The following DAB1 variants were observed in gnomAD, a reference collection of about 807,000 sequenced individuals.
DAB1 encodes disabled homolog 1.
DAB1 carries 15 observed loss-of-function variants against 64.6 expected under a neutral mutation model. The observed-to-expected ratio is 0.23, with a 90% CI of 0.16 to 0.36. DAB1 has a LOEUF of 0.36. DAB1 is among the 10% of genes least tolerant of loss of function. DAB1 has a pLI of 1.00. For missense variants in DAB1, 596 were observed against 706.7 expected, an observed-to-expected ratio of 0.84 and a Z score of 1.78; for synonymous variants, 235 against 251.9, an observed-to-expected ratio of 0.93 and a Z score of 0.64.
At chr1:57,033,393 GC>G in intron 9 of DAB1, 4 of 1,612,880 alleles carry the variant, frequency 2.5e-6, no homozygotes, top group Non-Finnish European at 3.4e-6. Flanking sequence ...TACCTTCGTT[GC>G]CTCAAAAATC....
intron 3 of DAB1, among the ~76,000 whole-genome samples, chr1:58,421,819 T>C (rs914194604): frequency 6.6e-6 from 1 of 152,104 alleles, no homozygotes; most frequent in Non-Finnish European, 1.5e-5. Context: ...TCTTCTCAGA[T>C]TTGAAGGGCT....
At chr1:58,426,352 C>A (rs904832231) in intron 3 of DAB1, among the ~76,000 whole-genome samples, 2 of 152,130 alleles carry the variant, frequency 1.3e-5, no homozygotes, top group African/African-American at 4.8e-5. Context: ...AGAGAGTTAA[C>A]CCATATTGAG....
chr1:57,849,973 G>A (rs947973581), intron 1 of DAB1, among the ~76,000 whole-genome samples: 4 of 152,174 alleles, frequency 2.6e-5, no homozygotes, highest in Admixed American at 6.5e-5. Context: ...CGATAGTCCT[G>A]AGAAAGTGAG....
intron 6 of DAB1, among the ~76,000 whole-genome samples, chr1:57,652,804 A>G (rs1275848532): frequency 6.6e-6 from 1 of 152,174 alleles, no homozygotes; most frequent in Non-Finnish European, 1.5e-5. Context: ...GAGAAAATTG[A>G]TGCTCACTAT....
intron 2 of DAB1, among the ~76,000 whole-genome samples, chr1:57,186,751 C>A (rs1189378416): frequency 6.6e-6 from 1 of 152,212 alleles, no homozygotes; most frequent in Admixed American, 6.5e-5. Context: ...AGCAAAGTTT[C>A]ATTAGCAGAA....
Position 56,997,188 on chromosome 1 carries a change from G to A in DAB1, c.*956C>T, listed in dbSNP as rs557521021. 6.6e-6 allele frequency: 1 copy of A among 152,248 alleles called. No individual in the cohort carries two copies. Among genetic ancestry groups the A allele is most frequent in the Admixed American group, 6.5e-5 (1 of 15,300 alleles). The allele number at this position is 152,248 out of a possible 1,614,324, so 9.4% of individuals were successfully genotyped here. ...AAAATGGCACGTGGAGAAGACACTT[G>A]TCTGCATAGCAACACAGCAGCAAGA... On this transcript the variant is annotated 3_prime_UTR_variant, in exon 15 of 15. Transcript: ENST00000371236.
intron 14 of DAB1, among the ~76,000 whole-genome samples, chr1:57,007,043 CCT>C (rs1349332628): frequency 4.0e-5 from 6 of 151,628 alleles, no homozygotes; most frequent in African/African-American, 1.5e-4. Flanking sequence ...TCTCTCTCTT[CCT>C]CTCTCACTCT....
At chr1:57,619,664 G>A (rs561529078) in intron 7 of DAB1, among the ~76,000 whole-genome samples, 30 of 152,178 alleles carry the variant, frequency 2.0e-4, no homozygotes, top group Admixed American at 2.6e-4. Context: ...GGCCTCCCAC[G>A]GTGCTATGAT....
chr1:57,082,577 G>C (rs1259856534), intron 4 of DAB1, among the ~76,000 whole-genome samples: 1 of 152,050 alleles, frequency 6.6e-6, no homozygotes, highest in Non-Finnish European at 1.5e-5. Flanking sequence ...AGGACATGCA[G>C]GTTTGTTGCA....
intron 3 of DAB1, among the ~76,000 whole-genome samples, chr1:58,402,114 C>T (rs1031540435): frequency 6.6e-6 from 1 of 152,106 alleles, no homozygotes; most frequent in Non-Finnish European, 1.5e-5. Flanking sequence ...AGGGGCCCTG[C>T]ATTCATATGC....
At chr1:57,953,782 T>C (rs1209647344) in intron 5 of DAB1, among the ~76,000 whole-genome samples, 1 of 152,124 alleles carries the variant, frequency 6.6e-6, no homozygotes, top group Non-Finnish European at 1.5e-5. Context: ...TCCCTATTTA[T>C]CTGCTGGTTG....
At chr1:57,013,785 A>T (rs1646337220) in intron 12 of DAB1, among the ~76,000 whole-genome samples, 1 of 152,176 alleles carries the variant, frequency 6.6e-6, no homozygotes, top group African/African-American at 2.4e-5. Flanking sequence ...ATTGTGTCAA[A>T]CAAGTGTACA....
chr1:57,063,140 A>G (rs1241480033), intron 8 of DAB1, among the ~76,000 whole-genome samples, 197 bp from the exon 9 acceptor site: 2 of 152,068 alleles, frequency 1.3e-5, no homozygotes, highest in African/African-American at 2.4e-5. Flanking sequence ...GGGGACAGGG[A>G]GTGGGCATCA....
intron 1 of DAB1, among the ~76,000 whole-genome samples, chr1:57,336,351 T>C (rs1309177369): frequency 3.3e-5 from 5 of 152,182 alleles, no homozygotes; most frequent in African/African-American, 4.8e-5. Flanking sequence ...AATAAAAGGA[T>C]TTGGTTTAAC....
intron 4 of DAB1, among the ~76,000 whole-genome samples, chr1:58,157,527 G>A (rs1655287830): frequency 6.6e-6 from 1 of 152,172 alleles, no homozygotes; most frequent in Admixed American, 6.5e-5. Context: ...GATTTGGGTG[G>A]CTGGTCCCAA....
At chr1:57,013,901 G>A (rs1003032431) in intron 12 of DAB1, among the ~76,000 whole-genome samples, 6 of 152,168 alleles carry the variant, frequency 3.9e-5, no homozygotes, top group Non-Finnish European at 8.8e-5. Context: ...GCTGGAACTA[G>A]AAGGATGCAC....
At chr1:57,842,542 C>G (rs78690078) in intron 1 of DAB1, among the ~76,000 whole-genome samples, 1 of 152,120 alleles carries the variant, frequency 6.6e-6, no homozygotes. Flanking sequence ...AAAAAAAAGT[C>G]TAATTGGCTC....
At chr1:58,013,321 C>T (rs1646695082) in intron 5 of DAB1, among the ~76,000 whole-genome samples, 1 of 152,080 alleles carries the variant, frequency 6.6e-6, no homozygotes, top group African/African-American at 2.4e-5. Context: ...TATTGTTTCC[C>T]ATTATTCATT....
intron 5 of DAB1, among the ~76,000 whole-genome samples, chr1:58,101,385 A>G (rs1651312030): frequency 6.6e-6 from 1 of 152,194 alleles, no homozygotes; most frequent in Non-Finnish European, 1.5e-5. Context: ...GTCAGTTGCT[A>G]GGGGGATCAG....
Sources: allele counts gnomAD v4.1 joint callset (sites outside exome capture counted in the v4.1 genomes callset), GRCh38; gene constraint gnomAD v4.1.1; transcripts MANE v1.5; gene names NCBI Gene and HGNC (gene_info 2026-07-23, HGNC 2026-07-21).